The following MAGI2 variants were observed in gnomAD, a reference collection of about 807,000 sequenced individuals.
MAGI2 encodes membrane associated guanylate kinase, WW and PDZ domain containing 2.
MAGI2 carries 35 observed loss-of-function variants against 133.3 expected under a neutral mutation model. The observed-to-expected ratio is 0.26, with a 90% confidence interval of 0.20 to 0.35. The LOEUF is 0.35. Ranked by LOEUF, MAGI2 falls within the 10% of genes least tolerant of loss-of-function variation. The pLI, the probability that MAGI2 is intolerant of heterozygous loss-of-function variation, is 1.00. For synonymous variants in MAGI2, 729 were observed against 710.6 expected (o/e 1.03, Z -0.41); for missense variants, 1,636 against 1,863.4 (o/e 0.88, Z 2.25).
chr7:79,304,947 G>A (rs1250255006), intron 1 of MAGI2, among the ~76,000 whole-genome samples: 1 of 152,158 alleles, frequency 6.6e-6, no homozygotes, highest in African/African-American at 2.4e-5. Flanking sequence ...CGGAAGTCTA[G>A]TGCATGATCA....
chr7:78,777,949 A>G (rs139898207), intron 2 of MAGI2, among the ~76,000 whole-genome samples: 26 of 152,310 alleles, frequency 1.7e-4, no homozygotes, highest in African/African-American at 5.8e-4. Context: ...ACATGAGAAT[A>G]TGCTTCATAT....
intron 2 of MAGI2, among the ~76,000 whole-genome samples, chr7:78,890,100 T>C (rs1052769546): frequency 5.9e-5 from 9 of 152,086 alleles, no homozygotes; most frequent in African/African-American, 2.2e-4. Flanking sequence ...AAACAGACTT[T>C]AAACCAACAA....
At chr7:79,396,178 C>T (rs559195763) in intron 1 of MAGI2, among the ~76,000 whole-genome samples, 2 of 152,102 alleles carry the variant, frequency 1.3e-5, no homozygotes, top group Non-Finnish European at 2.9e-5. Flanking sequence ...TTGCCAGCAT[C>T]CTTTGCAGTT....
chr7:78,489,016 A>C (rs2150487895), intron 6 of MAGI2, among the ~76,000 whole-genome samples: 1 of 152,226 alleles, frequency 6.6e-6, no homozygotes, highest in South Asian at 2.1e-4. Context: ...CAAATAATAA[A>C]TCATCAGAGA....
In MAGI2 at chr7:78,380,683, A is replaced by G. The variant is rs1439324848; in HGVS notation, c.1046-11470T>C. ...AATAAGATTTAGTGTTTGATTGCAC[A>G]ACAGGGAGACTATAGTCAACAATAT... On this transcript the variant is annotated intron_variant, in intron 6 of 21. Transcript: ENST00000354212. Among the ~76,000 whole-genome samples, 3 of 152,298 alleles carry G rather than the reference A, an allele frequency of 2.0e-5. No homozygotes were observed. The East Asian group carries it at 5.8e-4, about 29-fold the overall frequency.
intron 2 of MAGI2, among the ~76,000 whole-genome samples, chr7:78,985,385 T>A (rs184737548): frequency 6.6e-6 from 1 of 152,084 alleles, no homozygotes; most frequent in Non-Finnish European, 1.5e-5. Flanking sequence ...AATAGAATTC[T>A]CTCTTTGAGA....
At chr7:78,282,941 G>GTAAA (rs1170022305) in intron 9 of MAGI2, among the ~76,000 whole-genome samples, 1 of 152,002 alleles carries the variant, frequency 6.6e-6, no homozygotes, top group Admixed American at 6.6e-5. Flanking sequence ...ATCCAACAAA[G>GTAAA]TAAATATCTA....
At chr7:79,026,777 G>A (rs1809929470) in intron 1 of MAGI2, among the ~76,000 whole-genome samples, 1 of 151,932 alleles carries the variant, frequency 6.6e-6, no homozygotes, top group South Asian at 2.1e-4. Flanking sequence ...GGGGGCTGAG[G>A]CATGAAAATC....
At chr7:78,770,641 T>C (rs1030024370) in intron 2 of MAGI2, among the ~76,000 whole-genome samples, 6 of 152,194 alleles carry the variant, frequency 3.9e-5, no homozygotes, top group African/African-American at 1.4e-4. Flanking sequence ...CTCCACTGGC[T>C]GTATTAAACA....
chr7:79,137,345 T>C (rs1410764268), intron 1 of MAGI2, among the ~76,000 whole-genome samples: 2 of 152,092 alleles, frequency 1.3e-5, no homozygotes, highest in Non-Finnish European at 2.9e-5. Flanking sequence ...TTCTGAGGGA[T>C]GCCATGGGAG....
At position 79,432,632 on chromosome 7, in the gene MAGI2, G is replaced by A. The variant is rs148587804; in HGVS notation, c.301+20388C>T. Among the ~76,000 whole-genome samples the A allele has an allele frequency of 4.6e-3, 703 of 152,300 alleles. 7 individuals carry two copies. The highest frequency in any genetic ancestry group is 0.027 in the Middle Eastern group (8 of 294). On this transcript the variant is annotated intron_variant, in intron 1 of 21. Coordinates refer to ENST00000354212, the MANE Select transcript of MAGI2 (RefSeq NM_012301.4). Reference sequence around the variant, plus strand: ...CAAGTACAAGTTCTCTTGAAGGGATGCTGCCCAGGAGGGCTGCCTGTTGGG... The same window carrying A: ...CAAGTACAAGTTCTCTTGAAGGGATACTGCCCAGGAGGGCTGCCTGTTGGG...
chr7:79,069,243 T>C (rs1814701840), intron 1 of MAGI2, among the ~76,000 whole-genome samples: 1 of 152,140 alleles, frequency 6.6e-6, no homozygotes, highest in Non-Finnish European at 1.5e-5. Flanking sequence ...TAAGCCTCTT[T>C]GTACGTCTCT....
At chr7:78,130,295 G>A (rs538618188) in intron 18 of MAGI2, among the ~76,000 whole-genome samples, 1 of 152,266 alleles carries the variant, frequency 6.6e-6, no homozygotes, top group Non-Finnish European at 1.5e-5. Flanking sequence ...AGTAAATACA[G>A]CAGGAAAAAA....
chr7:78,223,427 C>CT (rs1468868149), intron 10 of MAGI2, among the ~76,000 whole-genome samples: 1 of 151,972 alleles, frequency 6.6e-6, no homozygotes, highest in Non-Finnish European at 1.5e-5. Context: ...AAATTATATT[C>CT]TTAAAGTACT....
At chr7:79,160,268 A>G (rs910059066) in intron 1 of MAGI2, among the ~76,000 whole-genome samples, 1 of 152,104 alleles carries the variant, frequency 6.6e-6, no homozygotes, top group Non-Finnish European at 1.5e-5. Flanking sequence ...TCCTCTAGTT[A>G]AAAAACTACT....
At chr7:79,368,683 C>G (rs1842874035) in intron 1 of MAGI2, among the ~76,000 whole-genome samples, 1 of 151,186 alleles carries the variant, frequency 6.6e-6, no homozygotes, top group African/African-American at 2.4e-5. Flanking sequence ...CCCGTCTCTA[C>G]TAAAAATACA....
intron 3 of MAGI2, among the ~76,000 whole-genome samples, chr7:78,573,440 C>T (rs1801942672): frequency 9.2e-6 from 1 of 109,016 alleles, no homozygotes; most frequent in Admixed American, 1.2e-4. Context: ...ATTTGATCTG[C>T]TGGGTCATAT....
chr7:79,028,981 A>G (rs1810299890), intron 1 of MAGI2, among the ~76,000 whole-genome samples: 2 of 152,340 alleles, frequency 1.3e-5, no homozygotes, highest in Non-Finnish European at 2.9e-5. Flanking sequence ...TAAGTATAAA[A>G]AACACAAATG....
chr7:78,192,068 C>T (rs983148665), intron 12 of MAGI2, among the ~76,000 whole-genome samples: 12 of 152,094 alleles, frequency 7.9e-5, no homozygotes, highest in African/African-American at 2.9e-4. Context: ...CAACTGCAAC[C>T]CAGTTTTGAA....
Sources: gnomAD v4.1 joint callset for allele counts (sites outside exome capture counted in the v4.1 genomes callset) on GRCh38, gnomAD v4.1.1 for gene constraint, MANE v1.5 for transcripts, NCBI Gene and HGNC (gene_info 2026-07-23, HGNC 2026-07-21) for gene names.